ESRRG: variants seen among roughly 807,000 people sequenced by gnomAD.
The protein encoded by ESRRG is estrogen related receptor gamma, also known as estrogen-related receptor gamma.
A neutral mutation model predicts 44.0 loss-of-function variants in ESRRG; 13 were observed. The ratio of observed to expected loss-of-function variants is 0.30; its 90% CI spans 0.19 to 0.47. ESRRG has a LOEUF of 0.47. ESRRG is among the 20% of genes least tolerant of loss of function. The probability of loss-of-function intolerance (pLI) is 1.00; values close to 1 mark genes in which losing one functional copy is unlikely to be tolerated. For missense variants in ESRRG, 395 were observed against 580.6 expected (o/e 0.68, Z 3.29); for synonymous variants, 215 against 214.6 (o/e 1.00, Z -0.02).
chr1:216,931,046 G>A (rs530481709), intron 2 of ESRRG, among the ~76,000 whole-genome samples: 5 of 152,298 alleles, frequency 3.3e-5, no homozygotes, highest in Admixed American at 2.0e-4. Context: ...CATGTTAAGC[G>A]ATATTATTCT....
intron 5 of ESRRG, among the ~76,000 whole-genome samples, chr1:216,539,227 T>C (rs994990753): frequency 6.6e-6 from 1 of 151,830 alleles, no homozygotes; most frequent in African/African-American, 2.4e-5. Context: ...TATATACCAA[T>C]CCACATCTTA....
intron 5 of ESRRG, among the ~76,000 whole-genome samples, chr1:216,538,781 G>GA (rs1342775179): frequency 6.6e-6 from 1 of 151,988 alleles, no homozygotes; most frequent in African/African-American, 2.4e-5. Flanking sequence ...AGGTAACTCT[G>GA]AAAAGTTAAA....
At chr1:216,956,637 C>G (rs933976297) in intron 1 of ESRRG, among the ~76,000 whole-genome samples, 1 of 152,092 alleles carries the variant, frequency 6.6e-6, no homozygotes, top group Non-Finnish European at 1.5e-5. Flanking sequence ...ATTTGAATCT[C>G]TTAAAATGCC....
intron 1 of ESRRG, among the ~76,000 whole-genome samples, chr1:216,690,686 TG>T (rs1201629977): frequency 2.0e-5 from 3 of 152,176 alleles, no homozygotes; most frequent in Non-Finnish European, 4.4e-5. Context: ...TTGATTCCTA[TG>T]CCCTGTACCA....
chr1:216,970,954 G>A (rs2150289681), intron 1 of ESRRG, among the ~76,000 whole-genome samples: 1 of 152,278 alleles, frequency 6.6e-6, no homozygotes, highest in Middle Eastern at 3.4e-3. Flanking sequence ...TCCAAGGAAG[G>A]AAGATTATGC....
In ESRRG at chr1:216,718,292, C is replaced by T. The variant is rs192822713; in HGVS notation, c.56+4952G>A. The stretch of plus-strand genomic sequence containing the variant: ...CTTTTAGCAGCATACCTATAATCTA[C>T]GTATACATTACCTCTTCCCACATAC... On this transcript the variant is annotated intron_variant, in intron 1 of 6. Transcript: ENST00000408911. 1.5e-4 allele frequency among the ~76,000 whole-genome samples: 23 copies of T among 151,944 alleles called. No individual in the cohort carries two copies. In the East Asian group the frequency reaches 1.9e-3, roughly 13 times the overall value.
At chr1:216,776,257 T>G (rs2093609478) in intron 2 of ESRRG, among the ~76,000 whole-genome samples, 1 of 152,040 alleles carries the variant, frequency 6.6e-6, no homozygotes, top group Non-Finnish European at 1.5e-5. Flanking sequence ...GGCTTGCAGT[T>G]CTCCCATAAT....
Position 216,568,992 on chromosome 1 carries a change from TG to T in ESRRG, c.590-895del, listed in dbSNP as rs375407354. Among the ~76,000 whole-genome samples the T allele has an allele frequency of 7.0e-4, 106 of 151,740 alleles. 1 individual carries two copies. In the East Asian group the frequency reaches 0.013, roughly 19 times the overall value. ...TCGCTTGAACCCGGGAGGCGGAGGT[TG>T]CAGTGAACTGAGACTATGCCATTGC... On this transcript the variant is annotated intron_variant, in intron 3 of 6. Coordinates refer to ENST00000408911, the MANE Select transcript of ESRRG (RefSeq NM_001438.4).
At chr1:216,597,064 T>C (rs1185198208) in intron 3 of ESRRG, among the ~76,000 whole-genome samples, 1 of 152,154 alleles carries the variant, frequency 6.6e-6, no homozygotes, top group East Asian at 1.9e-4. Flanking sequence ...ACAATAATAG[T>C]AATAAACAGA....
At chr1:217,015,315 G>T (rs1268573739) in intron 1 of ESRRG, among the ~76,000 whole-genome samples, 1 of 151,970 alleles carries the variant, frequency 6.6e-6, no homozygotes, top group African/African-American at 2.4e-5. Flanking sequence ...ATTTGTTAAG[G>T]GCCATCATCC....
Position 216,918,980 on chromosome 1 carries a change from A to C in ESRRG, c.-14+20602T>G, listed in dbSNP as rs191644884. Among the ~76,000 whole-genome samples, 1,043 of 151,902 alleles carry C rather than the reference A, an allele frequency of 6.9e-3. 13 individuals are homozygous for C. Among genetic ancestry groups the C allele is most frequent in the African/African-American group, 0.023 (974 of 41,504 alleles). ...ACACACTTATGAATATCAAATGCAT[A>C]ATATAACTTTTATAAACTACAAAAA... On this transcript the variant is annotated intron_variant, in intron 2 of 7. Coordinates refer to the ESRRG transcript ENST00000359162.
At chr1:216,987,559 G>C (rs1009198744) in intron 1 of ESRRG, among the ~76,000 whole-genome samples, 15 of 152,196 alleles carry the variant, frequency 9.9e-5, no homozygotes, top group Non-Finnish European at 2.2e-4. Context: ...GGGATACAGA[G>C]AGTTTTATCT....
intron 5 of ESRRG, among the ~76,000 whole-genome samples, chr1:216,536,084 A>G (rs2050852345): frequency 6.6e-6 from 1 of 152,096 alleles, no homozygotes. Context: ...TGCACTGATA[A>G]GACATCTTTC....
At chr1:216,568,678 T>C (rs1444425669) in intron 3 of ESRRG, among the ~76,000 whole-genome samples, 1 of 152,190 alleles carries the variant, frequency 6.6e-6, no homozygotes. Context: ...GGGAATGTTA[T>C]TTACATTTTG....
chr1:216,855,568 A>G (rs548139844), intron 2 of ESRRG, among the ~76,000 whole-genome samples: 312 of 152,322 alleles, frequency 2.0e-3, no homozygotes, highest in African/African-American at 7.2e-3. Flanking sequence ...AATTTAATGT[A>G]AAGATGATAC....
At chr1:216,970,573 T>C (rs2071435138) in intron 1 of ESRRG, among the ~76,000 whole-genome samples, 1 of 152,216 alleles carries the variant, frequency 6.6e-6, no homozygotes, top group African/African-American at 2.4e-5. Flanking sequence ...CAGATGTTTT[T>C]AACTTGAGAA....
rs929198486 is a variant in ESRRG, at chr1:217,000,264, C to T, written c.-105-60591G>A. ...GAAATTTGTCTCACAGTTCTGGAGG[C>T]TAGAAGTCTGAAATCAAGATGTCAG... On this transcript the variant is annotated intron_variant, in intron 1 of 7. Coordinates refer to the ESRRG transcript ENST00000359162. 3 of 152,174 alleles carry T rather than the reference C, an allele frequency of 2.0e-5. No individual in the cohort carries two copies. In the East Asian group the frequency reaches 5.8e-4, roughly 29 times the overall value. The allele number at this position is 152,174 out of a possible 1,614,324, so 9.4% of individuals were successfully genotyped here.
chr1:216,553,510 A>C (rs2056882017), intron 5 of ESRRG, among the ~76,000 whole-genome samples: 1 of 152,186 alleles, frequency 6.6e-6, no homozygotes, highest in South Asian at 2.1e-4. Context: ...TGTGGTTGCC[A>C]GAATAATGCC....
intron 2 of ESRRG, among the ~76,000 whole-genome samples, chr1:216,798,226 A>G (rs2094525001): frequency 6.6e-6 from 1 of 152,076 alleles, no homozygotes; most frequent in Non-Finnish European, 1.5e-5. Context: ...CTTTAGAAAC[A>G]CAACAGTAAG....
Sources: allele counts gnomAD v4.1 joint callset (sites outside exome capture counted in the v4.1 genomes callset), GRCh38; gene constraint gnomAD v4.1.1; transcripts MANE v1.5; gene names NCBI Gene and HGNC (gene_info 2026-07-23, HGNC 2026-07-21).